Variants in CTNNA3 observed in about 807,000 individuals in gnomAD.
The protein encoded by CTNNA3 is catenin alpha-3.
CTNNA3 carries 76 observed loss-of-function variants against 95.7 expected under a neutral mutation model. The observed-to-expected ratio is 0.79, with a 90% confidence interval of 0.66 to 0.96. The LOEUF (loss-of-function observed/expected upper bound fraction) is 0.96, where lower values mean the gene tolerates loss of function less well. Ranked by LOEUF, CTNNA3 falls within the 40% of genes least tolerant of loss-of-function variation. The pLI, the probability that CTNNA3 is intolerant of heterozygous loss-of-function variation, is 0.00. For missense variants in CTNNA3, 1,191 were observed against 1,089.8 expected, an observed-to-expected ratio of 1.09 and a Z score of -1.31; for synonymous variants, 431 against 374.4, an observed-to-expected ratio of 1.15 and a Z score of -1.74.
rs543939183 is a variant in CTNNA3 at position 66,166,429 on chromosome 10, G to T, written c.1885-63180C>A. Among the ~76,000 whole-genome samples the T allele has an allele frequency of 2.0e-5, 3 of 149,220 alleles. No homozygotes were observed. In the South Asian group the frequency reaches 6.4e-4, roughly 32 times the overall value. On this transcript the variant is annotated intron_variant, in intron 13 of 17. Coordinates refer to ENST00000433211, the MANE Select transcript of CTNNA3 (RefSeq NM_013266.4). Reference sequence around the variant, plus strand: ...GAATTGCTTGAACCCAGGAGGCAGAGTTTGAACCGAGCTGAGATCGCACCA... The same window carrying T: ...GAATTGCTTGAACCCAGGAGGCAGATTTTGAACCGAGCTGAGATCGCACCA...
At chr10:67,298,636 G>C (rs1840140061) in intron 5 of CTNNA3, among the ~76,000 whole-genome samples, 1 of 152,196 alleles carries the variant, frequency 6.6e-6, no homozygotes, top group African/African-American at 2.4e-5. Flanking sequence ...GATCAGCTAG[G>C]TGTTACTTAT....
intron 3 of CTNNA3, among the ~76,000 whole-genome samples, chr10:67,553,998 G>T (rs186556557): frequency 6.6e-6 from 1 of 152,148 alleles, no homozygotes; most frequent in Non-Finnish European, 1.5e-5. Context: ...CTATGAGTGA[G>T]AACATACAGT....
chr10:66,063,221 GAT>G (rs112566833), intron 15 of CTNNA3, among the ~76,000 whole-genome samples: 1,834 of 102,684 alleles, frequency 0.018, 12 homozygotes, highest in African/African-American at 0.04. Flanking sequence ...TATAGATATA[GAT>G]ATAGATAGAT....
chr10:67,513,796 A>T (rs1159080344), intron 5 of CTNNA3, among the ~76,000 whole-genome samples: 1 of 152,216 alleles, frequency 6.6e-6, no homozygotes, highest in Non-Finnish European at 1.5e-5. Flanking sequence ...AGCATCATGC[A>T]GCTTTTCAAA....
At chr10:66,213,546 T>C (rs2088310546) in intron 13 of CTNNA3, among the ~76,000 whole-genome samples, 1 of 152,208 alleles carries the variant, frequency 6.6e-6, no homozygotes, top group Non-Finnish European at 1.5e-5. Context: ...TATATTTCAT[T>C]ATTATCTTAT....
intron 5 of CTNNA3, among the ~76,000 whole-genome samples, chr10:67,366,641 A>C (rs115243014): frequency 0.013 from 1,935 of 152,106 alleles, 22 homozygotes; most frequent in African/African-American, 0.032. Flanking sequence ...AACTTCGTCC[A>C]AAGGAAAAAA....
At chr10:66,665,962 A>G (rs1176619000) in intron 9 of CTNNA3, among the ~76,000 whole-genome samples, 2 of 152,130 alleles carry the variant, frequency 1.3e-5, no homozygotes, top group Non-Finnish European at 2.9e-5. Flanking sequence ...GGAAGGTTAG[A>G]CAATAGGAAC....
At chr10:66,848,915 A>G (rs1169117511) in intron 7 of CTNNA3, among the ~76,000 whole-genome samples, 1 of 152,158 alleles carries the variant, frequency 6.6e-6, no homozygotes, top group Non-Finnish European at 1.5e-5. Flanking sequence ...ATCATATTTT[A>G]TTATTACCCT....
chr10:66,253,793 G>A (rs536641310), intron 13 of CTNNA3, among the ~76,000 whole-genome samples: 58 of 152,176 alleles, frequency 3.8e-4, no homozygotes, highest in Admixed American at 8.5e-4. Flanking sequence ...TTATTAAAAA[G>A]GAACTTGACC....
At chr10:66,719,667 C>A (rs544705865) in intron 9 of CTNNA3, among the ~76,000 whole-genome samples, 1 of 152,230 alleles carries the variant, frequency 6.6e-6, no homozygotes, top group African/African-American at 2.4e-5. Flanking sequence ...AGCATGCCTA[C>A]AGTGGCCTTA....
At chr10:67,410,480 T>C (rs773508827) in intron 5 of CTNNA3, among the ~76,000 whole-genome samples, 21 of 152,076 alleles carry the variant, frequency 1.4e-4, no homozygotes, top group Non-Finnish European at 2.9e-4. Context: ...GTAATAAATC[T>C]GCACAACCTG....
At chr10:67,499,284 G>A (rs539525414) in intron 5 of CTNNA3, among the ~76,000 whole-genome samples, 112 of 152,190 alleles carry the variant, frequency 7.4e-4, no homozygotes, top group African/African-American at 2.2e-3. Context: ...GTATGAAGCC[G>A]ACTTGATCAT....
In CTNNA3 at chr10:67,200,903, T is replaced by A. The variant is rs142605760; in HGVS notation, c.843+18704A>T. On this transcript the variant is annotated intron_variant, in intron 6 of 17. Transcript: ENST00000433211. ...GAAAATATCAACTAAAACAGACTAT[T>A]CTCACTATCTTCAGTTTGATGTGTC... is the stretch of plus-strand genomic sequence containing the variant. 1.9e-3 allele frequency among the ~76,000 whole-genome samples: 291 copies of A among 152,294 alleles called. 2 individuals are homozygous for A. The highest frequency in any genetic ancestry group is 6.8e-3 in the Middle Eastern group (2 of 294).
intron 7 of CTNNA3, among the ~76,000 whole-genome samples, chr10:66,877,492 A>C (rs778880953): frequency 1.3e-4 from 20 of 152,056 alleles, no homozygotes; most frequent in Non-Finnish European, 2.8e-4. Flanking sequence ...TTTTATTACT[A>C]TCTCATGAAC....
At chr10:66,751,273 A>T (rs567496480) in intron 9 of CTNNA3, among the ~76,000 whole-genome samples, 23 of 152,292 alleles carry the variant, frequency 1.5e-4, no homozygotes, top group African/African-American at 5.5e-4. Context: ...CTTGAAAAAA[A>T]AAATTTCCAC....
At position 67,258,509 on chromosome 10, in the gene CTNNA3, T is replaced by C. The variant is rs1866452521; in HGVS notation, c.580-38639A>G. Among the ~76,000 whole-genome samples the C allele has an allele frequency of 3.3e-5, 5 of 152,176 alleles. No individual in the cohort carries two copies. The South Asian group carries it at 1.0e-3, about 32-fold the overall frequency. On this transcript the variant is annotated intron_variant, in intron 5 of 17. Transcript: ENST00000433211. ...TTTTCTTAAAGTAACAATTTATAGT[T>C]TTCCAAAAGCGAACACCTAGAGAAC... is the stretch of plus-strand genomic sequence containing the variant.
At chr10:66,320,646 A>G (rs2092169430) in intron 12 of CTNNA3, among the ~76,000 whole-genome samples, 1 of 152,082 alleles carries the variant, frequency 6.6e-6, no homozygotes, top group Non-Finnish European at 1.5e-5. Context: ...CCAGCCTGAG[A>G]CATTCTGTTC....
intron 5 of CTNNA3, among the ~76,000 whole-genome samples, chr10:67,356,473 A>G (rs1404929456): frequency 6.6e-6 from 1 of 152,046 alleles, no homozygotes; most frequent in Non-Finnish European, 1.5e-5. Flanking sequence ...TGCATCTGTC[A>G]TTTCCACATA....
intron 13 of CTNNA3, among the ~76,000 whole-genome samples, chr10:66,174,253 TAG>T (rs1214276656): frequency 1.3e-5 from 2 of 152,116 alleles, no homozygotes; most frequent in African/African-American, 4.8e-5. Flanking sequence ...ATATTTTATT[TAG>T]AGACATTTTG....
Sources: gnomAD v4.1 joint callset for allele counts (sites outside exome capture counted in the v4.1 genomes callset) on GRCh38, gnomAD v4.1.1 for gene constraint, MANE v1.5 for transcripts, NCBI Gene and HGNC (gene_info 2026-07-23, HGNC 2026-07-21) for gene names.